Variants in ST6GALNAC2 observed in about 807,000 individuals in gnomAD.
The protein encoded by ST6GALNAC2 is alpha-N-acetylgalactosaminide alpha-2,6-sialyltransferase 2.
A neutral mutation model predicts 38.7 loss-of-function variants in ST6GALNAC2; 42 were observed. The observed-to-expected ratio is 1.09, with a 90% CI of 0.85 to 1.40. The LOEUF is 1.40. Among genes scored for constraint, ST6GALNAC2 ranks in the 40% most tolerant of loss-of-function variants. The probability of loss-of-function intolerance (pLI) is 0.00; values close to 1 mark genes in which losing one functional copy is unlikely to be tolerated. For missense variants in ST6GALNAC2, 506 were observed against 481.7 expected (o/e 1.05, Z -0.47); for synonymous variants, 233 against 209.0 (o/e 1.11, Z -0.99).
At chr17:76,578,860 C>A (rs972181977) in intron 1 of ST6GALNAC2, 44 bp from the exon 2 acceptor site, 1 of 1,588,266 alleles carries the variant, frequency 6.3e-7, no homozygotes, top group Admixed American at 1.7e-5. Flanking sequence ...CAGCTCTGAC[C>A]TACCCCTTGG....
In ST6GALNAC2 at chr17:76,568,730, G is replaced by A. The variant is rs778007446; in HGVS notation, c.840C>T (p.Ile280=). ...SKFKLLHPDF[I]SYLTERFLKS... is the part of the protein sequence containing the mutation. ...CTCCGTACCTTTCTGTCAGGTAGCT[G>A]ATGAAGTCCGGATGTAGCAGCTTGA... The change falls in exon 7 of 9, where the codon ATC becomes ATT. Residue 280 remains isoleucine (I), a synonymous_variant. Transcript: ENST00000225276. 5 of 1,613,766 alleles carry A rather than the reference G, an allele frequency of 3.1e-6. No individual in the cohort carries two copies. The South Asian group carries it at 5.5e-5, about 18-fold the overall frequency.
intron 1 of ST6GALNAC2, among the ~76,000 whole-genome samples, chr17:76,584,939 G>C (rs1427539414): frequency 1.3e-5 from 2 of 152,186 alleles, no homozygotes; most frequent in East Asian, 1.9e-4. Context: ...ATCGTTTTGC[G>C]GCTTCTTCAG....
Position 76,578,540 on chromosome 17 carries a change from A to T in ST6GALNAC2, c.186+216T>A, listed in dbSNP as rs541081166. Among the ~76,000 whole-genome samples, 150 of 152,274 alleles carry T rather than the reference A, an allele frequency of 9.9e-4. 1 individual carries two copies. Among genetic ancestry groups the T allele is most frequent in the South Asian group, 6.2e-3 (30 of 4,830 alleles). On this transcript the variant is annotated intron_variant, in intron 2 of 8. Transcript: ENST00000225276. ...GTTCAGCTGGCTACACCCCATGAGT[A>T]CATATTTATTCATCCTTCTCTGCTG...
At position 76,574,351 on chromosome 17, in the gene ST6GALNAC2, CG is replaced by C. The variant is rs199608515; in HGVS notation, c.361+13del. On this transcript the variant is annotated intron_variant, in intron 3 of 8. Coordinates refer to ENST00000225276, the MANE Select transcript of ST6GALNAC2 (RefSeq NM_006456.3). ...AAGGCAGAAGGCAGGTGAGAGACAG[CG>C]GGCGCGGGTTACCTTGGTGAGAGAG... 9.5e-3 allele frequency: 15,206 copies of C among 1,605,514 alleles called. 126 individuals carry two copies. The highest frequency in any genetic ancestry group is 0.037 in the African/African-American group (2,763 of 74,904).
intron 1 of ST6GALNAC2, 131 bp downstream of exon 1, chr17:76,585,553 G>A (rs2075535343): frequency 9.3e-7 from 1 of 1,079,608 alleles, no homozygotes; most frequent in South Asian, 1.9e-5. Flanking sequence ...TCCTCGCTGA[G>A]AGCTGCCCCA....
chr17:76,567,677 A>T (rs756922566), intron 7 of ST6GALNAC2, 125 bp from the exon 8 acceptor site: 14 of 640,974 alleles, frequency 2.2e-5, no homozygotes, highest in Non-Finnish European at 3.7e-5. Flanking sequence ...TCAGTTCTTT[A>T]TTCGGTCCAA....
chr17:76,583,470 C>T (rs2075504286), intron 1 of ST6GALNAC2, among the ~76,000 whole-genome samples: 1 of 151,784 alleles, frequency 6.6e-6, no homozygotes, highest in African/African-American at 2.4e-5. Context: ...CAAGATAGAC[C>T]CACTGTACTG....
chr17:76,581,199 C>T (rs920497354), intron 1 of ST6GALNAC2: 23 of 152,330 alleles, frequency 1.5e-4, no homozygotes, highest in African/African-American at 5.6e-4. Flanking sequence ...AGAGTTGATC[C>T]CTTCCCCCAT....
At chr17:76,579,724 A>T (rs1256706081) in intron 1 of ST6GALNAC2, among the ~76,000 whole-genome samples, 1 of 152,170 alleles carries the variant, frequency 6.6e-6, no homozygotes, top group Non-Finnish European at 1.5e-5. Flanking sequence ...TGGGTTCCTG[A>T]TACAAGGATG....
At chr17:76,577,933 C>G (rs1239468628) in intron 2 of ST6GALNAC2, among the ~76,000 whole-genome samples, 1 of 152,174 alleles carries the variant, frequency 6.6e-6, no homozygotes, top group African/African-American at 2.4e-5. Context: ...TGTCTCTGAA[C>G]AGCTTGGCTG....
intron 1 of ST6GALNAC2, among the ~76,000 whole-genome samples, chr17:76,583,131 T>G (rs1222902145): frequency 7.9e-5 from 12 of 152,252 alleles, no homozygotes. Flanking sequence ...ATCCCAGCAC[T>G]TTGGGAGGCC....
Position 76,573,175 on chromosome 17 carries a change from C to T in ST6GALNAC2, c.530+20G>A. The T allele has an allele frequency of 6.2e-7, 1 of 1,600,566 alleles. No homozygotes were observed. Among genetic ancestry groups the T allele is most frequent in the Non-Finnish European group, 8.5e-7 (1 of 1,172,908 alleles). ...AGGCAACTCTCCCTCCCGCCCCTCC[C>T]CAGCTCCTACCCCTCATACCTGAAT... On this transcript the variant is annotated intron_variant, in intron 4 of 8. Coordinates refer to ENST00000225276, the MANE Select transcript of ST6GALNAC2 (RefSeq NM_006456.3). This position sits in a 1 kb window ranked among gnomAD's most constrained non-coding sequence, Gnocchi z 5.1.
At chr17:76,570,166 T>C in intron 6 of ST6GALNAC2, 1 of 209,148 alleles carries the variant, frequency 4.8e-6, no homozygotes, top group Non-Finnish European at 9.8e-6. Flanking sequence ...CAACTCTTGT[T>C]TCCAGCACAG....
In ST6GALNAC2 at chr17:76,574,441, G is replaced by A. The variant is rs752099031; in HGVS notation, c.285C>T (p.Asp95=). 6.2e-7 allele frequency: 1 copy of A among 1,613,914 alleles called. No homozygotes were observed. Among genetic ancestry groups the A allele is most frequent in the Non-Finnish European group, 8.5e-7 (1 of 1,179,972 alleles). The change falls in exon 3 of 9, where the codon GAC becomes GAT. Residue 95 remains aspartate, a synonymous_variant. Transcript: ENST00000225276. ...NLSIPVLLWG[D]LFTPALWDRL... ...GGTCCCAGAGCGCTGGGGTGAAGAG[G>A]TCCCCCCACAGCAGCACTGGAATGG...
At chr17:76,583,372 T>TC (rs1490301914) in intron 1 of ST6GALNAC2, among the ~76,000 whole-genome samples, 1 of 12,272 alleles carries the variant, frequency 8.1e-5, no homozygotes, top group Non-Finnish European at 2.3e-4. Flanking sequence ...GGAGACTCTG[T>TC]CCCAAAAAAA....
chr17:76,585,597 C>G, intron 1 of ST6GALNAC2, 87 bp downstream of exon 1: 1 of 1,381,970 alleles, frequency 7.2e-7, no homozygotes, highest in Non-Finnish European at 9.3e-7. Context: ...CTGAGGGCTG[C>G]GGGCCGCCGG....
chr17:76,573,272 A>C lies in ST6GALNAC2; in HGVS notation c.453T>G (p.Cys151Trp). ...GAATGCCTCCGTTGCCCACCACGGCACACCGGATACACTTTGGAGGGGTGT... is the reference window on the plus strand; with the variant it reads ...GAATGCCTCCGTTGCCCACCACGGCCCACCGGATACACTTTGGAGGGGTGT... The part of the protein sequence containing the change: ...PRDTPPKCIR[C>W]AVVGNGGILN... Residue 151 changes from cysteine to tryptophan, a missense_variant, in exon 4 of 9, where the codon TGT becomes TGG. Transcript: ENST00000225276. The surrounding 1 kb of genome is among the most constrained non-coding windows in gnomAD (Gnocchi z 5.1). 1.2e-6 allele frequency: 2 copies of C among 1,611,170 alleles called. No homozygotes were observed. The highest frequency in any genetic ancestry group is 1.7e-6 in the Non-Finnish European group (2 of 1,178,830).
chr17:76,568,952 C>T (rs1483382291), intron 6 of ST6GALNAC2, 156 bp from the exon 7 acceptor site: 1 of 660,552 alleles, frequency 1.5e-6, no homozygotes. Context: ...TAGAAGGTGG[C>T]AGGCAGTACG....
rs993274360 is a variant in ST6GALNAC2 at position 76,573,195 on chromosome 17, C to T, written c.530G>A (p.Arg177Lys). ...CCTCCCCAGCTCCTACCCCTCATAC[C>T]TGAATACATAGTCATGGGCATCGAT... ...PNIDAHDYVF[R>K]LNGAVIKGFE... Residue 177 changes from arginine (R) to lysine (K), a missense_variant and splice_region_variant, in exon 4 of 9, where the codon AGA becomes AAA. Physicochemically the swap from Arg to Lys is conservative, Grantham distance 26. Coordinates refer to ENST00000225276, the MANE Select transcript of ST6GALNAC2 (RefSeq NM_006456.3). The surrounding 1 kb of genome is among the most constrained non-coding windows in gnomAD (Gnocchi z 5.1). 1 of 1,611,976 alleles carries T rather than the reference C, an allele frequency of 6.2e-7. No homozygotes were observed. The highest frequency in any genetic ancestry group is 1.3e-5 in the African/African-American group (1 of 74,876).
Sources: allele counts gnomAD v4.1 joint callset (sites outside exome capture counted in the v4.1 genomes callset), GRCh38; gene constraint gnomAD v4.1.1; non-coding constraint Gnocchi (gnomAD v3.1); transcripts MANE v1.5; gene names NCBI Gene and HGNC (gene_info 2026-07-23, HGNC 2026-07-21).